SESN1: variants seen among roughly 807,000 people sequenced by gnomAD.
The protein encoded by SESN1 is sestrin 1.
A neutral mutation model predicts 59.3 loss-of-function variants in SESN1; 30 were observed. The ratio of observed to expected loss-of-function variants is 0.51; its 90% confidence interval spans 0.38 to 0.69. SESN1 has a LOEUF of 0.69. SESN1 is among the 30% of genes least tolerant of loss of function. The pLI is 0.00. For missense variants in SESN1, 566 were observed against 673.0 expected, an observed-to-expected ratio of 0.84 and a Z score of 1.76; for synonymous variants, 197 against 219.9, an observed-to-expected ratio of 0.90 and a Z score of 0.92.
rs1740032795 is a variant in SESN1 at position 108,985,095 on chromosome 6, A to G, written c.*2449T>C. The stretch of plus-strand genomic sequence containing the variant: ...TCACATATACAAATATGCTAGTAAC[A>G]TTTCTGATTCATGTATGATATTCAC... On this transcript the variant is annotated 3_prime_UTR_variant, in exon 10 of 10. Transcript: ENST00000436639. 6.6e-6 allele frequency among the ~76,000 whole-genome samples: 1 copy of G among 152,172 alleles called. No individual in the cohort carries two copies. The highest frequency in any genetic ancestry group is 2.1e-4 in the South Asian group (1 of 4,830).
chr6:109,045,241 T>C (rs992964801), intron 1 of SESN1, among the ~76,000 whole-genome samples: 3 of 152,112 alleles, frequency 2.0e-5, no homozygotes, highest in African/African-American at 7.2e-5. Context: ...ATCTATCCCC[T>C]ATCCTCAACC....
chr6:109,046,251 G>A (rs1378187224), intron 1 of SESN1, among the ~76,000 whole-genome samples: 3 of 151,142 alleles, frequency 2.0e-5, no homozygotes, highest in Admixed American at 6.6e-5. Context: ...GCGCCGCCAC[G>A]CCTGACTGGT....
chr6:109,041,473 G>A (rs1042371067), intron 1 of SESN1, among the ~76,000 whole-genome samples: 4 of 151,934 alleles, frequency 2.6e-5, no homozygotes, highest in Admixed American at 1.3e-4. Context: ...GGGATTTTGA[G>A]GACAATGAAA....
At chr6:108,988,266 C>G in intron 9 of SESN1, 1 of 270,722 alleles carries the variant, frequency 3.7e-6, no homozygotes, top group Non-Finnish European at 6.9e-6. Flanking sequence ...ACACTTCTAC[C>G]TATACACAGC....
intron 1 of SESN1, among the ~76,000 whole-genome samples, chr6:109,025,497 G>A (rs1358884836): frequency 1.3e-5 from 2 of 150,326 alleles, no homozygotes; most frequent in Non-Finnish European, 3.0e-5. Context: ...AATCACCTAA[G>A]ACTGCAAAGT....
At chr6:109,025,285 G>T (rs984497166) in intron 1 of SESN1, among the ~76,000 whole-genome samples, 5 of 151,604 alleles carry the variant, frequency 3.3e-5, no homozygotes, top group Non-Finnish European at 7.4e-5. Context: ...AGGAGGTGGG[G>T]GATGAATTCC....
chr6:109,034,930 T>G (rs1049649792), intron 1 of SESN1, among the ~76,000 whole-genome samples: 3 of 152,224 alleles, frequency 2.0e-5, no homozygotes, highest in Non-Finnish European at 4.4e-5. Flanking sequence ...GTTTAAGAAC[T>G]TTTATATCAG....
chr6:109,072,242 G>C (rs1209908873), intron 1 of SESN1, among the ~76,000 whole-genome samples: 1 of 152,188 alleles, frequency 6.6e-6, no homozygotes, highest in Non-Finnish European at 1.5e-5. Flanking sequence ...GACCTAGCTA[G>C]CTGTTAAGAA....
chr6:108,990,888 A>G (rs1437564604), intron 7 of SESN1, 53 bp from the exon 8 acceptor site: 16 of 1,478,156 alleles, frequency 1.1e-5, no homozygotes, highest in Admixed American at 5.2e-5. Flanking sequence ...GTACAGTTCT[A>G]TATCTATAGC....
In SESN1 at chr6:108,990,920, T is replaced by C. The variant is rs548579411; in HGVS notation, c.1234-85A>G. 8.3e-6 allele frequency: 10 copies of C among 1,208,582 alleles called. No individual in the cohort carries two copies. The East Asian group carries it at 1.0e-4, about 12-fold the overall frequency. The allele number at this position is 1,208,582 out of a possible 1,614,324, so 74.9% of individuals were successfully genotyped here. A position where few individuals can be genotyped will look rare whatever the true frequency, so the allele number is the denominator to read the frequency against. On this transcript the variant is annotated intron_variant, in intron 7 of 9. Coordinates refer to ENST00000436639, the MANE Select transcript of SESN1 (RefSeq NM_014454.3). The stretch of plus-strand genomic sequence containing the variant: ...TAGCTCTGTAGCATGGTAAAAATCA[T>C]TGTCATTTGGCTGACAATCCAACTG...
chr6:109,060,324 AT>A, intron 1 of SESN1, among the ~76,000 whole-genome samples: 1 of 152,342 alleles, frequency 6.6e-6, no homozygotes, highest in East Asian at 1.9e-4. Context: ...TTGTGTATGT[AT>A]TCCTGATCCA....
At chr6:109,070,398 T>C (rs1171761299) in intron 1 of SESN1, among the ~76,000 whole-genome samples, 2 of 150,828 alleles carry the variant, frequency 1.3e-5, no homozygotes, top group Admixed American at 1.3e-4. Context: ...AAGGCCCATG[T>C]ACGCAACCTT....
chr6:109,001,265 T>C, intron 3 of SESN1, 23 bp downstream of exon 3: 1 of 1,604,196 alleles, frequency 6.2e-7, no homozygotes, highest in Non-Finnish European at 8.5e-7. Context: ...GCAAAAACAA[T>C]TTTTCACTGA....
chr6:109,025,673 T>G (rs981503124), intron 1 of SESN1, among the ~76,000 whole-genome samples: 6 of 151,976 alleles, frequency 3.9e-5, no homozygotes, highest in Non-Finnish European at 8.8e-5. Context: ...AATGAAATAG[T>G]TTTTATAATA....
intron 1 of SESN1, among the ~76,000 whole-genome samples, chr6:109,020,523 A>G (rs1779993917): frequency 6.6e-6 from 1 of 152,230 alleles, no homozygotes; most frequent in African/African-American, 2.4e-5. Context: ...CATACCACAA[A>G]TACAACTTTC....
At chr6:109,044,018 T>C (rs1780381504) in intron 1 of SESN1, among the ~76,000 whole-genome samples, 1 of 151,972 alleles carries the variant, frequency 6.6e-6, no homozygotes, top group African/African-American at 2.4e-5. Context: ...GTCAACTTAT[T>C]GTTAACAAAG....
intron 1 of SESN1, among the ~76,000 whole-genome samples, chr6:109,002,752 G>C (rs559822052): frequency 6.6e-6 from 1 of 152,140 alleles, no homozygotes; most frequent in South Asian, 2.1e-4. Flanking sequence ...CTTCCACCTA[G>C]GTGTCTTAAA....
intron 1 of SESN1, among the ~76,000 whole-genome samples, chr6:109,046,101 C>G (rs1352499584): frequency 8.3e-6 from 1 of 120,066 alleles, no homozygotes; most frequent in East Asian, 2.1e-4. Context: ...GTAGCTCTAG[C>G]CCTCTCCCTC....
chr6:109,076,205 T>C (rs1221698172), intron 1 of SESN1, among the ~76,000 whole-genome samples: 1 of 152,246 alleles, frequency 6.6e-6, no homozygotes, highest in Non-Finnish European at 1.5e-5. Context: ...AGCTTCAATT[T>C]ACTATTTACC....
Sources: gnomAD v4.1 joint callset for allele counts (sites outside exome capture counted in the v4.1 genomes callset) on GRCh38, gnomAD v4.1.1 for gene constraint, MANE v1.5 for transcripts, NCBI Gene and HGNC (gene_info 2026-07-23, HGNC 2026-07-21) for gene names.